The following ZFHX3 variants were observed in gnomAD, a reference collection of about 807,000 sequenced individuals.
ZFHX3 encodes zinc finger homeobox protein 3.
Under a neutral mutation model 279.1 loss-of-function variants are expected in ZFHX3, and 42 were observed. That is an observed-to-expected ratio of 0.15 (90% CI 0.12 to 0.19). The LOEUF is 0.19. Ranked by LOEUF, ZFHX3 falls within the 10% of genes least tolerant of loss-of-function variation. The pLI is 1.00. For missense variants in ZFHX3, 4,981 were observed against 4,754.0 expected (o/e 1.05, Z -1.40); for synonymous variants, 2,293 against 1,957.8 (o/e 1.17, Z -4.52).
chr16:73,334,514 C>G (rs2015869231), intron 3 of ZFHX3, among the ~76,000 whole-genome samples: 1 of 152,142 alleles, frequency 6.6e-6, no homozygotes, highest in Admixed American at 6.5e-5. Flanking sequence ...GGCTCTGTGC[C>G]TTCCCCTGCT....
Position 72,869,064 on chromosome 16 carries a change from C to T in ZFHX3, c.3448+20667G>A, listed in dbSNP as rs897699740. ...TTCTGAGCCATCCCAGGGCAAACAT[C>T]TGCTTTCTCATTCATTTCCTTCAGA... On this transcript the variant is annotated intron_variant, in intron 4 of 9. Transcript: ENST00000268489. 6.6e-5 allele frequency among the ~76,000 whole-genome samples: 10 copies of T among 152,352 alleles called. No homozygotes were observed. In the South Asian group the frequency reaches 1.2e-3, roughly 19 times the overall value.
chr16:73,523,165 ACTT>A (rs1169262429), intron 2 of ZFHX3, among the ~76,000 whole-genome samples: 5 of 152,110 alleles, frequency 3.3e-5, no homozygotes, highest in African/African-American at 1.2e-4. Context: ...ATAACACAAG[ACTT>A]CTTCTGAAAT....
intron 6 of ZFHX3, among the ~76,000 whole-genome samples, chr16:73,133,518 G>A (rs1966734111): frequency 6.6e-6 from 1 of 152,044 alleles, no homozygotes; most frequent in Admixed American, 6.6e-5. Flanking sequence ...CAATAAGACT[G>A]GTGTCCTTTT....
At chr16:73,639,088 G>A (rs1208055579) in intron 2 of ZFHX3, among the ~76,000 whole-genome samples, 5 of 152,026 alleles carry the variant, frequency 3.3e-5, no homozygotes, top group African/African-American at 9.7e-5. Context: ...ACCATGCAAC[G>A]GTCCTTTGCA....
chr16:72,945,865 C>T (rs547896231), intron 3 of ZFHX3, among the ~76,000 whole-genome samples: 4 of 152,064 alleles, frequency 2.6e-5, no homozygotes, highest in Non-Finnish European at 5.9e-5. Flanking sequence ...GGCCTCCAGG[C>T]ACCACCTACG....
At chr16:73,890,204 TTTC>T (rs1343141532) in intron 1 of ZFHX3, among the ~76,000 whole-genome samples, 2 of 151,344 alleles carry the variant, frequency 1.3e-5, no homozygotes, top group African/African-American at 4.9e-5. Flanking sequence ...TGTTAAATTT[TTTC>T]TTCTTGTAAT....
chr16:73,838,743 C>A (rs1193867797), intron 1 of ZFHX3, among the ~76,000 whole-genome samples: 1 of 148,650 alleles, frequency 6.7e-6, no homozygotes, highest in Non-Finnish European at 1.5e-5. Context: ...TGTGTGTGTG[C>A]GCACATGCGT....
chr16:72,855,511 C>T (rs1439623616), intron 4 of ZFHX3, among the ~76,000 whole-genome samples: 1 of 152,210 alleles, frequency 6.6e-6, no homozygotes, highest in Non-Finnish European at 1.5e-5. Context: ...AATTCTAATT[C>T]ATTCTGCAGA....
Position 73,556,824 on chromosome 16 carries a change from G to A in ZFHX3, c.-1546-100566C>T, listed in dbSNP as rs145278079. On this transcript the variant is annotated intron_variant, in intron 2 of 17. Transcript: ENST00000641206. Reference sequence around the variant, plus strand: ...AGAAGGCCTCAGTGAGGCCGGGCGCGGTGGCTCATGCCTGTAATCCCAGCA... The same window carrying A: ...AGAAGGCCTCAGTGAGGCCGGGCGCAGTGGCTCATGCCTGTAATCCCAGCA... Among the ~76,000 whole-genome samples the A allele has an allele frequency of 7.0e-3, 1,055 of 151,668 alleles. 10 individuals are homozygous for A. The highest frequency in any genetic ancestry group is 9.8e-3 in the Admixed American group (150 of 15,254).
chr16:73,564,411 G>A (rs1438844103), intron 2 of ZFHX3, among the ~76,000 whole-genome samples: 3 of 152,060 alleles, frequency 2.0e-5, no homozygotes, highest in East Asian at 1.9e-4. Flanking sequence ...ATTATCCCTC[G>A]GTTCTATCCC....
At chr16:73,142,511 C>T (rs995706354) in intron 6 of ZFHX3, among the ~76,000 whole-genome samples, 2 of 152,200 alleles carry the variant, frequency 1.3e-5, no homozygotes, top group African/African-American at 2.4e-5. Context: ...CTCCCCCCAT[C>T]GGCAGGGCCA....
chr16:73,842,053 T>TA lies in ZFHX3; in HGVS notation c.-1608+49597dup, dbSNP rs1346696116. ...AACATGGTGAAACCCGTCTCTACTT[T>TA]AAAAAAAAAAAAATTAGCCAGGCAT... is the stretch of plus-strand genomic sequence containing the variant. On this transcript the variant is annotated intron_variant, in intron 1 of 17. Coordinates refer to the ZFHX3 transcript ENST00000641206. Among the ~76,000 whole-genome samples the TA allele has an allele frequency of 4.7e-3, 677 of 143,816 alleles. 7 individuals carry two copies. Among genetic ancestry groups the TA allele is most frequent in the African/African-American group, 0.015 (583 of 39,228 alleles). 94.3% of individuals were successfully genotyped at this position (143,816 alleles called of 152,430 possible). A position where few individuals can be genotyped will look rare whatever the true frequency, so the allele number is the denominator to read the frequency against.
intron 5 of ZFHX3, among the ~76,000 whole-genome samples, chr16:73,185,337 A>T (rs1252192311): frequency 6.6e-6 from 1 of 152,166 alleles, no homozygotes; most frequent in Admixed American, 6.5e-5. Flanking sequence ...TCCTGTCCTC[A>T]TTTTACCAAA....
chr16:72,795,680 G>A lies in ZFHX3; in HGVS notation c.7002C>T (p.Ser2334=), dbSNP rs938179630. 1 of 1,613,942 alleles carries A rather than the reference G, an allele frequency of 6.2e-7. No individual in the cohort carries two copies. Among genetic ancestry groups the A allele is most frequent in the African/African-American group, 1.3e-5 (1 of 74,852 alleles). ...GATCAAAGATGCGCTGAAACACCAGGCTACATTTTTTGCACTGGTAGTTCA... is the reference window on the plus strand; with the variant it reads ...GATCAAAGATGCGCTGAAACACCAGACTACATTTTTTGCACTGGTAGTTCA... ...SNLNYQCKKC[S]LVFQRIFDLI... The change falls in exon 9 of 10, where the codon AGC becomes AGT. Residue 2334 remains serine (S), a synonymous_variant. Coordinates refer to ENST00000268489, the MANE Select transcript of ZFHX3 (RefSeq NM_006885.4).
chr16:72,788,359 T>G lies in ZFHX3; in HGVS notation c.9917A>C (p.Gln3306Pro). Residue 3306 changes from glutamine (Q) to proline (P), a missense_variant, in exon 10 of 10, where the codon CAG becomes CCG. Around this residue, in one of 7 missense-constraint regions of ZFHX3, gnomAD observed 1,034 missense variants for 786.0 expected, o/e 1.32. Coordinates refer to ENST00000268489, the MANE Select transcript of ZFHX3 (RefSeq NM_006885.4). ...GCCTGGTACAAAGTAAGGAAGGAAC[T>G]GGCTTGTGAGCAATGCTGTGGGGTC... Reference protein sequence around the residue: ...TSDPTALLTSQFLPYFVPGFS... With the variant: ...TSDPTALLTSPFLPYFVPGFS... 1 of 1,614,190 alleles carries G rather than the reference T, an allele frequency of 6.2e-7. No individual in the cohort carries two copies. Among genetic ancestry groups the G allele is most frequent in the Non-Finnish European group, 8.5e-7 (1 of 1,180,034 alleles).
intron 1 of ZFHX3, among the ~76,000 whole-genome samples, chr16:73,773,438 C>T (rs996369166): frequency 6.6e-6 from 1 of 152,228 alleles, no homozygotes; most frequent in African/African-American, 2.4e-5. Context: ...ATCCAACACA[C>T]ACTTACTGAG....
intron 1 of ZFHX3, among the ~76,000 whole-genome samples, chr16:73,006,513 C>A (rs1237007138): frequency 6.6e-6 from 1 of 152,008 alleles, no homozygotes; most frequent in Non-Finnish European, 1.5e-5. Context: ...GTCCCAGCTA[C>A]TCAAGGTGAT....
At chr16:73,639,413 C>T (rs2052554675) in intron 2 of ZFHX3, among the ~76,000 whole-genome samples, 1 of 152,140 alleles carries the variant, frequency 6.6e-6, no homozygotes, top group Non-Finnish European at 1.5e-5. Flanking sequence ...ATCTCTAAAC[C>T]ATGGGTTTAC....
intron 8 of ZFHX3, 144 bp from the exon 9 acceptor site, chr16:72,798,858 C>G: frequency 7.2e-7 from 1 of 1,383,102 alleles, no homozygotes; most frequent in South Asian, 1.8e-5. Context: ...GACAGAATCT[C>G]TGCGGAGCGC....
Sources: allele counts gnomAD v4.1 joint callset (sites outside exome capture counted in the v4.1 genomes callset), GRCh38; gene constraint gnomAD v4.1.1; regional missense constraint gnomAD v4.1.1; transcripts MANE v1.5; gene names NCBI Gene and HGNC (gene_info 2026-07-23, HGNC 2026-07-21).